The following PCDH15 variants were observed in gnomAD, a reference collection of about 807,000 sequenced individuals.
The protein encoded by PCDH15 is protocadherin-15.
Under a neutral mutation model 178.5 loss-of-function variants are expected in PCDH15, and 129 were observed. That is an observed-to-expected ratio of 0.72 (90% confidence interval 0.63 to 0.84). The LOEUF (loss-of-function observed/expected upper bound fraction) is 0.84. Ranked by LOEUF, PCDH15 falls within the 40% of genes least tolerant of loss-of-function variation. The pLI, the probability that PCDH15 is intolerant of heterozygous loss-of-function variation, is 0.00. For missense variants in PCDH15, 2,230 were observed against 2,099.9 expected (o/e 1.06, Z -1.21); for synonymous variants, 800 against 732.0 (o/e 1.09, Z -1.50).
chr10:54,635,386 G>GTATATA (rs71010399), intron 2 of PCDH15, among the ~76,000 whole-genome samples: 13 of 149,258 alleles, frequency 8.7e-5, no homozygotes, highest in South Asian at 2.1e-4. Context: ...TCTCATATAT[G>GTATATA]TATATATATA....
intron 3 of PCDH15, among the ~76,000 whole-genome samples, chr10:54,519,868 T>C (rs1281624271): frequency 2.0e-5 from 3 of 152,080 alleles, no homozygotes; most frequent in African/African-American, 7.2e-5. Flanking sequence ...AACAGAGATA[T>C]AGATCAATGG....
rs1378002814 is a variant in PCDH15, at chr10:55,069,335, C to T, written c.-80+97241G>A. Among the ~76,000 whole-genome samples the T allele has an allele frequency of 8.9e-5, 13 of 146,132 alleles. 1 individual carries two copies. The highest frequency in any genetic ancestry group is 4.9e-4 in the Admixed American group (7 of 14,352). On this transcript the variant is annotated intron_variant, in intron 2 of 5. Transcript: ENST00000458638. The stretch of plus-strand genomic sequence containing the variant: ...GTACATGTGCACAATGTGCAGGTTA[C>T]TTACATATGTATACATGTGCCATGC...
chr10:54,031,363 G>A (rs748504650), intron 18 of PCDH15, among the ~76,000 whole-genome samples: 1 of 151,810 alleles, frequency 6.6e-6, no homozygotes, highest in Non-Finnish European at 1.5e-5. Context: ...CTTGCACATA[G>A]CAAAACTCAC....
At chr10:55,171,735 C>T (rs890749300) in intron 1 of PCDH15, among the ~76,000 whole-genome samples, 3 of 151,808 alleles carry the variant, frequency 2.0e-5, no homozygotes, top group African/African-American at 7.3e-5. Context: ...AATTTTATGT[C>T]AGAAGTTGAT....
chr10:55,453,307 A>T (rs905813375), intron 2 of PCDH15, among the ~76,000 whole-genome samples: 4 of 152,170 alleles, frequency 2.6e-5, no homozygotes, highest in African/African-American at 9.7e-5. Flanking sequence ...TCTGATTTGA[A>T]ATACAGACAA....
chr10:55,389,534 T>C (rs1237288382), intron 2 of PCDH15, among the ~76,000 whole-genome samples: 1 of 152,122 alleles, frequency 6.6e-6, no homozygotes, highest in Non-Finnish European at 1.5e-5. Context: ...GAGTTAAAAA[T>C]AGAAATATGT....
rs113701001 is a variant in PCDH15, at chr10:55,429,339, C to G, written c.-156+198286G>C. On this transcript the variant is annotated intron_variant, in intron 2 of 5. Coordinates refer to the PCDH15 transcript ENST00000613346. ...ACTTTGTTTTTGAAAGATATTTTTG[C>G]TAATGATAGGACACTAGTAATACAG... is the stretch of plus-strand genomic sequence containing the variant. Among the ~76,000 whole-genome samples the G allele has an allele frequency of 9.8e-3, 1,494 of 152,128 alleles. 27 individuals are homozygous for G. The highest frequency in any genetic ancestry group is 0.034 in the African/African-American group (1,405 of 41,524).
intron 2 of PCDH15, among the ~76,000 whole-genome samples, chr10:54,965,941 T>C (rs779211157): frequency 1.5e-4 from 23 of 150,744 alleles, no homozygotes; most frequent in Non-Finnish European, 2.1e-4. Flanking sequence ...GCAGCACATA[T>C]TATATAATAC....
intron 13 of PCDH15, among the ~76,000 whole-genome samples, chr10:54,169,606 C>T (rs1025258496): frequency 1.3e-5 from 2 of 149,664 alleles, no homozygotes; most frequent in African/African-American, 5.0e-5. Context: ...AATCCAAAGC[C>T]TCCTTTGCAT....
At chr10:55,250,178 C>T (rs1188232202) in intron 1 of PCDH15, among the ~76,000 whole-genome samples, 1 of 151,878 alleles carries the variant, frequency 6.6e-6, no homozygotes, top group Non-Finnish European at 1.5e-5. Context: ...GTTCTGGAGC[C>T]TGGAGTGCAG....
At chr10:55,006,825 C>T (rs914395720) in intron 2 of PCDH15, among the ~76,000 whole-genome samples, 5 of 152,120 alleles carry the variant, frequency 3.3e-5, no homozygotes, top group Admixed American at 3.3e-4. Flanking sequence ...AGGCCTGTAG[C>T]CTCTTTCTTT....
At chr10:54,805,049 A>C (rs1952757907), upstream of PCDH15, among the ~76,000 whole-genome samples, 3 of 149,278 alleles carry the variant, frequency 2.0e-5, no homozygotes, top group Non-Finnish European at 4.5e-5. Flanking sequence ...ATATTAACTA[A>C]ATATAATATT....
chr10:55,444,887 C>T (rs1839280873), intron 2 of PCDH15, among the ~76,000 whole-genome samples: 2 of 151,944 alleles, frequency 1.3e-5, no homozygotes, highest in South Asian at 4.1e-4. Context: ...CGCTAAATGA[C>T]ATTTAAACAC....
At chr10:53,810,702 G>T in intron 36 of PCDH15, 38 bp from the exon 37 acceptor site, 1 of 1,541,778 alleles carries the variant, frequency 6.5e-7, no homozygotes, top group Non-Finnish European at 9.0e-7. Context: ...AGTTTGTCAT[G>T]TGATTTCTGT....
chr10:54,446,079 A>G (rs923856341), intron 3 of PCDH15, among the ~76,000 whole-genome samples: 1 of 151,606 alleles, frequency 6.6e-6, no homozygotes, highest in African/African-American at 2.4e-5. Context: ...CTGGCTTAAA[A>G]GTAAAAAGCC....
chr10:54,535,381 T>A (rs2084366917), intron 2 of PCDH15, among the ~76,000 whole-genome samples: 1 of 152,152 alleles, frequency 6.6e-6, no homozygotes, highest in East Asian at 1.9e-4. Context: ...TGAACATAAA[T>A]GGCATTTGGT....
At chr10:55,198,550 G>C (rs1427385794) in intron 1 of PCDH15, among the ~76,000 whole-genome samples, 2 of 151,988 alleles carry the variant, frequency 1.3e-5, no homozygotes, top group African/African-American at 2.4e-5. Context: ...GCAGTGGCGC[G>C]ATAACAGCTC....
At chr10:54,347,177 TA>T (rs2134187121) in intron 5 of PCDH15, among the ~76,000 whole-genome samples, 1 of 152,302 alleles carries the variant, frequency 6.6e-6, no homozygotes, top group South Asian at 2.1e-4. Context: ...GAATCACCGT[TA>T]TTTTTTTTTA....
chr10:53,811,567 T>C lies in PCDH15; in HGVS notation c.4544A>G (p.Tyr1515Cys). 4 of 1,571,566 alleles carry C rather than the reference T, an allele frequency of 2.5e-6. No homozygotes were observed. The highest frequency in any genetic ancestry group is 3.5e-6 in the Non-Finnish European group (4 of 1,158,276). The change falls in exon 36 of 38, where the codon TAT becomes TGT. Residue 1515 changes from tyrosine to cysteine, a missense_variant. Physicochemically the swap from Tyr to Cys is radical, Grantham distance 194. Coordinates refer to ENST00000644397, the MANE Select transcript of PCDH15 (RefSeq NM_001384140.1). ...IDPGQEYGQD[Y>C]YSYEHGYEMP... The stretch of plus-strand genomic sequence containing the variant: ...GATGTACCCATGCTCATAACTGTAA[T>C]AATCTTGTCCATATTCCTGGCCAGG...
Sources: allele counts gnomAD v4.1 joint callset (sites outside exome capture counted in the v4.1 genomes callset), GRCh38; gene constraint gnomAD v4.1.1; transcripts MANE v1.5; gene names NCBI Gene and HGNC (gene_info 2026-07-23, HGNC 2026-07-21).